COG5: variants seen among roughly 807,000 people sequenced by gnomAD.
COG5 encodes the protein component of oligomeric golgi complex 5, also known as conserved oligomeric Golgi complex subunit 5.
Under a neutral mutation model 110.4 loss-of-function variants are expected in COG5, and 86 were observed. The observed-to-expected ratio is 0.78, with a 90% CI of 0.65 to 0.93. COG5 has a LOEUF of 0.93. Among genes scored for constraint, COG5 ranks in the 40% least tolerant of loss-of-function variants. COG5 has a pLI of 0.00. For missense variants in COG5, 1,077 were observed against 987.0 expected (o/e 1.09, Z -1.22); for synonymous variants, 360 against 334.6 (o/e 1.08, Z -0.83).
chr7:107,377,067 C>T (rs1261788577), intron 7 of COG5, among the ~76,000 whole-genome samples: 1 of 152,044 alleles, frequency 6.6e-6, no homozygotes, highest in East Asian at 1.9e-4. Flanking sequence ...TTGACATTAA[C>T]CTGGCCTCAT....
At chr7:107,471,418 TG>T (rs1796626444) in intron 6 of COG5, 2 of 152,166 alleles carry the variant, frequency 1.3e-5, no homozygotes, top group Admixed American at 6.6e-5. Context: ...ATATGAAGAA[TG>T]CAATTGACTG....
At chr7:107,231,274 C>G (rs1800757172) in intron 18 of COG5, among the ~76,000 whole-genome samples, 1 of 152,138 alleles carries the variant, frequency 6.6e-6, no homozygotes, top group Non-Finnish European at 1.5e-5. Context: ...GATAATCCCA[C>G]AAAGCTTTAT....
At chr7:107,527,469 A>C in intron 5 of COG5, 112 bp from the exon 6 acceptor site, 3 of 1,122,430 alleles carry the variant, frequency 2.7e-6, no homozygotes, top group Non-Finnish European at 3.9e-6. Flanking sequence ...ACCATGGCAC[A>C]TGTTTACCTA....
At chr7:107,533,200 G>A (rs2520261) in intron 5 of COG5, among the ~76,000 whole-genome samples, 42,448 of 151,274 alleles carry the variant, frequency 0.28, 6,325 homozygotes, top group East Asian at 0.33. Flanking sequence ...ATAAATCCAC[G>A]AAGATGAGGA....
chr7:107,436,862 T>C (rs988198570), intron 6 of COG5, among the ~76,000 whole-genome samples: 12 of 152,210 alleles, frequency 7.9e-5, no homozygotes, highest in African/African-American at 2.7e-4. Flanking sequence ...AAAAGTGTAG[T>C]ATTTAATAAT....
At chr7:107,414,647 T>C (rs1792565751) in intron 6 of COG5, among the ~76,000 whole-genome samples, 1 of 149,456 alleles carries the variant, frequency 6.7e-6, no homozygotes, top group African/African-American at 2.4e-5. Flanking sequence ...CTGACTAACA[T>C]GTTCTCCATT....
chr7:107,538,558 C>G (rs1801753575), intron 5 of COG5, among the ~76,000 whole-genome samples: 1 of 151,976 alleles, frequency 6.6e-6, no homozygotes, highest in Non-Finnish European at 1.5e-5. Context: ...CAGCTATTTA[C>G]TCAAGACAAC....
chr7:107,261,482 G>A (rs1453684909), intron 14 of COG5, among the ~76,000 whole-genome samples: 1 of 152,040 alleles, frequency 6.6e-6, no homozygotes, highest in Non-Finnish European at 1.5e-5. Flanking sequence ...GATTTACATC[G>A]ATGAAATATT....
chr7:107,344,736 C>T (rs1231410343), intron 10 of COG5, among the ~76,000 whole-genome samples: 1 of 152,164 alleles, frequency 6.6e-6, no homozygotes, highest in Non-Finnish European at 1.5e-5. Context: ...GTTGGTCAGG[C>T]TGGTCTTGAA....
chr7:107,283,931 C>CTCTTTTTTTTTTTT (rs1805406043), intron 12 of COG5, among the ~76,000 whole-genome samples, 199 bp from the exon 13 acceptor site: 1 of 142,636 alleles, frequency 7.0e-6, no homozygotes, highest in Non-Finnish European at 1.5e-5. Context: ...CCATAGTAAC[C>CTCTTTTTTTTTTTT]TTTTTTTTTT....
At chr7:107,316,115 T>C (rs1426767934) in intron 11 of COG5, among the ~76,000 whole-genome samples, 2 of 152,096 alleles carry the variant, frequency 1.3e-5, no homozygotes, top group Non-Finnish European at 2.9e-5. Flanking sequence ...CACCAAAAAA[T>C]GCAAACTACT....
intron 6 of COG5, among the ~76,000 whole-genome samples, chr7:107,418,613 C>CTT (rs35480079): frequency 1.2e-4 from 14 of 115,642 alleles, no homozygotes; most frequent in Admixed American, 5.3e-4. Flanking sequence ...TCATGGCTTG[C>CTT]TTTTTTTTTT....
At chr7:107,212,638 A>C (rs1445421330) in intron 19 of COG5, among the ~76,000 whole-genome samples, 1 of 152,198 alleles carries the variant, frequency 6.6e-6, no homozygotes, top group African/African-American at 2.4e-5. Flanking sequence ...AGCTTTATAG[A>C]GGGTGAAGTC....
rs530323655 is a variant in COG5, at chr7:107,414,703, C to CTTT, written c.539-2074_539-2072dup. Among the ~76,000 whole-genome samples, 82 of 61,700 alleles carry CTTT rather than the reference C, an allele frequency of 1.3e-3. 14 individuals are homozygous for CTTT. Among genetic ancestry groups the CTTT allele is most frequent in the Non-Finnish European group, 2.1e-3 (55 of 26,222 alleles). The allele number at this position is 61,700 out of a possible 152,430, so 40.5% of individuals were successfully genotyped here. A position where few individuals can be genotyped will look rare whatever the true frequency, so the allele number is the denominator to read the frequency against. ...ATTGATTCCAAAATCCTCACTGTCC[C>CTTT]TTTTTTTTTTTTTTTTTTTTTTTTT... On this transcript the variant is annotated intron_variant, in intron 6 of 21. Transcript: ENST00000297135.
chr7:107,545,583 C>A (rs1802351959), intron 5 of COG5, among the ~76,000 whole-genome samples: 1 of 152,000 alleles, frequency 6.6e-6, no homozygotes, highest in African/African-American at 2.4e-5. Context: ...AGTTCGAGAC[C>A]AGCCTGGCCA....
chr7:107,229,943 C>T (rs1800661441), intron 19 of COG5, among the ~76,000 whole-genome samples: 2 of 151,132 alleles, frequency 1.3e-5, no homozygotes, highest in African/African-American at 4.9e-5. Context: ...CTCTGACTCC[C>T]TGGTTCAAGC....
At chr7:107,211,425 T>TA (rs971023013) in intron 19 of COG5, among the ~76,000 whole-genome samples, 200 bp from the exon 20 acceptor site, 4 of 152,182 alleles carry the variant, frequency 2.6e-5, no homozygotes, top group African/African-American at 9.7e-5. Flanking sequence ...CAGGCTGATC[T>TA]ACCCTTCAGC....
intron 8 of COG5, among the ~76,000 whole-genome samples, chr7:107,366,302 A>T (rs181282637): frequency 6.6e-6 from 1 of 152,252 alleles, no homozygotes; most frequent in East Asian, 1.9e-4. Context: ...AACTCCAAGC[A>T]AATATTAAGA....
intron 11 of COG5, among the ~76,000 whole-genome samples, chr7:107,312,331 T>G (rs896668619): frequency 6.6e-6 from 1 of 152,218 alleles, no homozygotes; most frequent in African/African-American, 2.4e-5. Context: ...GACAGGACTA[T>G]AGCATGGAAA....
Sources: allele counts gnomAD v4.1 joint callset (sites outside exome capture counted in the v4.1 genomes callset), GRCh38; gene constraint gnomAD v4.1.1; transcripts MANE v1.5; gene names NCBI Gene and HGNC (gene_info 2026-07-23, HGNC 2026-07-21).